KAZN: variants seen among roughly 807,000 people sequenced by gnomAD.
KAZN encodes the protein kazrin.
KAZN carries 40 observed loss-of-function variants against 87.4 expected under a neutral mutation model. The observed-to-expected ratio is 0.46, with a 90% CI of 0.36 to 0.60. The LOEUF is 0.60. Ranked by LOEUF, KAZN falls within the 20% of genes least tolerant of loss-of-function variation. The pLI is 0.00. For synonymous variants in KAZN, 466 were observed against 458.3 expected, an observed-to-expected ratio of 1.02 and a Z score of -0.22; for missense variants, 898 against 1,073.9, an observed-to-expected ratio of 0.84 and a Z score of 2.29.
chr1:14,380,214 C>G (rs2101045594), intron 2 of KAZN, among the ~76,000 whole-genome samples: 1 of 152,294 alleles, frequency 6.6e-6, no homozygotes, highest in Middle Eastern at 3.4e-3. Context: ...ACACTCAAGT[C>G]ATTTTGAAAA....
intron 2 of KAZN, among the ~76,000 whole-genome samples, chr1:14,200,905 C>A (rs1646625934): frequency 6.6e-6 from 1 of 151,854 alleles, no homozygotes; most frequent in Non-Finnish European, 1.5e-5. Flanking sequence ...AGCTGGCTGG[C>A]TCCATGGAGG....
chr1:14,178,521 G>T (rs1646131828), intron 1 of KAZN, among the ~76,000 whole-genome samples: 1 of 152,020 alleles, frequency 6.6e-6, no homozygotes. Context: ...ATCCCTAGAG[G>T]TTCCATTTGG....
At chr1:14,549,181 A>C (rs971192103) in intron 2 of KAZN, among the ~76,000 whole-genome samples, 1 of 151,938 alleles carries the variant, frequency 6.6e-6, no homozygotes, top group Non-Finnish European at 1.5e-5. Flanking sequence ...TCATATTATC[A>C]TGTTGTTTTA....
Position 14,819,706 on chromosome 1 carries a change from CTTT to C in KAZN, c.227-140961_227-140959del, listed in dbSNP as rs775752838. Among the ~76,000 whole-genome samples the C allele has an allele frequency of 1.5e-4, 18 of 117,508 alleles. No individual in the cohort carries two copies. The South Asian group carries it at 3.6e-3, about 24-fold the overall frequency. 77.1% of individuals were successfully genotyped at this position (117,508 alleles called of 152,430 possible). On this transcript the variant is annotated intron_variant, in intron 1 of 14. Coordinates refer to ENST00000376030, the MANE Select transcript of KAZN (RefSeq NM_201628.3). ...TGAGCCAATTCCTTTGAAAAAAAAT[CTTT>C]TTTTTTTTTTTTTTTTGAGAAGGAG...
chr1:15,006,292 C>G (rs1239294665), intron 2 of KAZN, among the ~76,000 whole-genome samples: 3 of 152,196 alleles, frequency 2.0e-5, no homozygotes, highest in African/African-American at 7.2e-5. Context: ...TGAGCTAAAT[C>G]TTTGCTAGGC....
chr1:14,646,178 A>G (rs1252554937), intron 1 of KAZN, among the ~76,000 whole-genome samples: 1 of 152,172 alleles, frequency 6.6e-6, no homozygotes, highest in African/African-American at 2.4e-5. Context: ...GACTGAGTGC[A>G]GGTTACGTGA....
At chr1:14,033,145 T>C (rs1641399038) in intron 1 of KAZN, among the ~76,000 whole-genome samples, 1 of 152,184 alleles carries the variant, frequency 6.6e-6, no homozygotes, top group Non-Finnish European at 1.5e-5. Flanking sequence ...CTGCTACTAA[T>C]GCAGCAGACA....
At chr1:14,501,093 AAATAAAT>A (rs1670218672) in intron 2 of KAZN, among the ~76,000 whole-genome samples, 1 of 70,918 alleles carries the variant, frequency 1.4e-5, no homozygotes, top group African/African-American at 5.3e-5. Context: ...ATAAATAAAT[AAATAAAT>A]AAATAAATAA....
At chr1:14,311,476 G>A (rs1299756592) in intron 2 of KAZN, among the ~76,000 whole-genome samples, 7 of 152,108 alleles carry the variant, frequency 4.6e-5, no homozygotes, top group Non-Finnish European at 1.0e-4. Context: ...GACCTTACGG[G>A]GCTATAGAGA....
At chr1:14,132,355 G>A (rs145763733) in intron 1 of KAZN, among the ~76,000 whole-genome samples, 194 of 152,246 alleles carry the variant, frequency 1.3e-3, no homozygotes, top group African/African-American at 4.5e-3. Context: ...GTGCTTGAGC[G>A]TGATACTACC....
chr1:14,896,269 G>A (rs760020761), intron 1 of KAZN, among the ~76,000 whole-genome samples: 4 of 152,110 alleles, frequency 2.6e-5, no homozygotes, highest in Non-Finnish European at 5.9e-5. Flanking sequence ...TGGCCAGGAT[G>A]GTCTCAATCT....
intron 2 of KAZN, among the ~76,000 whole-genome samples, chr1:14,364,048 T>G (rs920509052): frequency 1.3e-5 from 2 of 151,974 alleles, no homozygotes; most frequent in Admixed American, 6.6e-5. Flanking sequence ...TTCTTTTGCC[T>G]CAGTACCGTT....
chr1:14,342,846 C>T (rs894964700), intron 2 of KAZN, among the ~76,000 whole-genome samples: 1 of 152,066 alleles, frequency 6.6e-6, no homozygotes, highest in African/African-American at 2.4e-5. Flanking sequence ...GTCCATTAAA[C>T]TCTTGTATGT....
At chr1:15,050,178 T>C (rs1211718512) in intron 4 of KAZN, among the ~76,000 whole-genome samples, 1 of 142,488 alleles carries the variant, frequency 7.0e-6, no homozygotes. Flanking sequence ...TAGAATAGAA[T>C]AGAATAGAAT....
chr1:14,415,745 G>GCCTTC (rs769391420), intron 2 of KAZN, among the ~76,000 whole-genome samples: 5 of 152,086 alleles, frequency 3.3e-5, no homozygotes, highest in African/African-American at 1.2e-4. Flanking sequence ...AGGACATTTT[G>GCCTTC]CCTTCCCTTC....
intron 2 of KAZN, among the ~76,000 whole-genome samples, chr1:14,977,104 G>A (rs1665714275): frequency 1.3e-5 from 2 of 152,174 alleles, no homozygotes; most frequent in Non-Finnish European, 2.9e-5. Flanking sequence ...TCTGCTGAAG[G>A]CATAGGACTG....
At chr1:14,412,124 T>C (rs1664356636) in intron 2 of KAZN, among the ~76,000 whole-genome samples, 1 of 152,178 alleles carries the variant, frequency 6.6e-6, no homozygotes, top group Non-Finnish European at 1.5e-5. Context: ...AGGAGGAAAG[T>C]GTACAAAGAA....
intron 1 of KAZN, among the ~76,000 whole-genome samples, chr1:14,724,105 G>A (rs1026405784): frequency 1.3e-5 from 2 of 152,150 alleles, no homozygotes; most frequent in African/African-American, 4.8e-5. Context: ...AACAAAGAAA[G>A]CACACAGGGC....
intron 1 of KAZN, among the ~76,000 whole-genome samples, chr1:14,039,497 A>T (rs1641708980): frequency 6.6e-6 from 1 of 152,242 alleles, no homozygotes; most frequent in African/African-American, 2.4e-5. Context: ...GATTGTCCAC[A>T]TGAGTCGGCA....
Sources: gnomAD v4.1 joint callset for allele counts (sites outside exome capture counted in the v4.1 genomes callset) on GRCh38, gnomAD v4.1.1 for gene constraint, MANE v1.5 for transcripts, NCBI Gene and HGNC (gene_info 2026-07-23, HGNC 2026-07-21) for gene names.